DOCK8: variants seen among roughly 807,000 people sequenced by gnomAD.
DOCK8 encodes dedicator of cytokinesis protein 8.
DOCK8 carries 141 observed loss-of-function variants against 245.6 expected under a neutral mutation model. That is an observed-to-expected ratio of 0.57 (90% CI 0.50 to 0.66). The LOEUF (loss-of-function observed/expected upper bound fraction) is 0.66. Among genes scored for constraint, DOCK8 ranks in the 30% least tolerant of loss-of-function variants. The pLI, the probability that DOCK8 is intolerant of heterozygous loss-of-function variation, is 0.00. For missense variants in DOCK8, 2,965 were observed against 2,603.4 expected, an observed-to-expected ratio of 1.14 and a Z score of -3.02; for synonymous variants, 1,168 against 970.2, an observed-to-expected ratio of 1.20 and a Z score of -3.79.
chr9:335,541 G>C (rs1035460691), intron 11 of DOCK8, among the ~76,000 whole-genome samples: 2 of 152,120 alleles, frequency 1.3e-5, no homozygotes, highest in African/African-American at 4.8e-5. Flanking sequence ...TTTCTGGTTC[G>C]TCAATAACAA....
intron 25 of DOCK8, among the ~76,000 whole-genome samples, chr9:397,357 A>AAG (rs1241782260): frequency 6.7e-6 from 1 of 149,930 alleles, no homozygotes; most frequent in African/African-American, 2.5e-5. Context: ...TCTCAAAAAA[A>AAG]AAAAAAAAAA....
intron 4 of DOCK8, among the ~76,000 whole-genome samples, chr9:303,511 G>T (rs2049660219): frequency 6.6e-6 from 1 of 152,098 alleles, no homozygotes; most frequent in Non-Finnish European, 1.5e-5. Context: ...GCAGCTGGAG[G>T]CCATTATCCT....
chr9:363,411 T>C (rs1414151546), intron 14 of DOCK8, among the ~76,000 whole-genome samples: 1 of 152,254 alleles, frequency 6.6e-6, no homozygotes, highest in Non-Finnish European at 1.5e-5. Context: ...ATGAGCCTGT[T>C]TATCCGTTCG....
chr9:464,454 G>C lies in DOCK8; in HGVS notation c.*235G>C, dbSNP rs949975492. The C allele has an allele frequency of 1.7e-6, 1 of 594,654 alleles. No homozygotes were observed. 36.8% of individuals were successfully genotyped at this position (594,654 alleles called of 1,614,324 possible). Reference sequence around the variant, plus strand: ...GGAGGATGGGTACTCAGGCATGACTGCGTATTTATTAAAGTGTGTTTTTCC... The same window carrying C: ...GGAGGATGGGTACTCAGGCATGACTCCGTATTTATTAAAGTGTGTTTTTCC... On this transcript the variant is annotated 3_prime_UTR_variant, in exon 48 of 48. Coordinates refer to ENST00000432829, the MANE Select transcript of DOCK8 (RefSeq NM_203447.4).
At chr9:338,215 T>C (rs2051410057) in intron 12 of DOCK8, among the ~76,000 whole-genome samples, 2 of 150,778 alleles carry the variant, frequency 1.3e-5, no homozygotes, top group Admixed American at 1.3e-4. Flanking sequence ...TTGCCACACT[T>C]AAAATAAACT....
intron 9 of DOCK8, 141 bp downstream of exon 9, chr9:328,312 T>G: frequency 2.6e-6 from 3 of 1,163,416 alleles, no homozygotes; most frequent in Non-Finnish European, 3.7e-6. Flanking sequence ...AGTTTACCCC[T>G]TTTCCGTTCT....
chr9:338,122 C>T (rs1024752100), intron 12 of DOCK8, among the ~76,000 whole-genome samples: 1 of 151,702 alleles, frequency 6.6e-6, no homozygotes, highest in Non-Finnish European at 1.5e-5. Flanking sequence ...CCACTGCACT[C>T]CAGCCTGGGT....
chr9:369,976 A>AT (rs1214697469), intron 15 of DOCK8: 4 of 507,626 alleles, frequency 7.9e-6, no homozygotes, highest in Non-Finnish European at 1.1e-5. Context: ...TAATTTTTGT[A>AT]TTTTTTTGTA....
intron 4 of DOCK8, among the ~76,000 whole-genome samples, chr9:292,907 G>T (rs917972087): frequency 2.0e-5 from 3 of 152,114 alleles, no homozygotes; most frequent in Non-Finnish European, 2.9e-5. Context: ...TGTTGCTTCT[G>T]TTCCCTTATG....
intron 12 of DOCK8, among the ~76,000 whole-genome samples, chr9:338,216 A>C (rs550779778): frequency 1.7e-3 from 262 of 150,922 alleles, no homozygotes; most frequent in Non-Finnish European, 2.4e-3. Context: ...TGCCACACTT[A>C]AAATAAACTC....
At chr9:285,924 C>G (rs534871424) in intron 2 of DOCK8, among the ~76,000 whole-genome samples, 1 of 152,200 alleles carries the variant, frequency 6.6e-6, no homozygotes, top group African/African-American at 2.4e-5. Flanking sequence ...TTTCAGCCAC[C>G]GAAACACTCG....
At chr9:421,729 C>A (rs1431029087) in intron 32 of DOCK8, among the ~76,000 whole-genome samples, 2 of 152,136 alleles carry the variant, frequency 1.3e-5, no homozygotes, top group African/African-American at 4.8e-5. Flanking sequence ...TGGTCAGGCA[C>A]CCTCATTTGA....
In DOCK8 at chr9:420,990, G is replaced by A. The variant is rs965081733; in HGVS notation, c.4065G>A (p.Gln1355=). ...ACAAAGTCAGTACCCAAGTCCTGCA[G>A]AAGTCAAGGGATGTCAAGGCCCGGC... ...SSDKVSTQVL[Q]KSRDVKARLE... The change falls in exon 32 of 48, where the codon CAG becomes CAA. Residue 1355 remains glutamine, a synonymous_variant. Coordinates refer to ENST00000432829, the MANE Select transcript of DOCK8 (RefSeq NM_203447.4). 16 of 1,614,126 alleles carry A rather than the reference G, an allele frequency of 9.9e-6. No homozygotes were observed. Among genetic ancestry groups the A allele is most frequent in the Non-Finnish European group, 1.3e-5 (15 of 1,180,056 alleles).
At chr9:459,443 A>G (rs1039027692) in intron 46 of DOCK8, among the ~76,000 whole-genome samples, 36 of 152,348 alleles carry the variant, frequency 2.4e-4, no homozygotes, top group African/African-American at 8.4e-4. Flanking sequence ...AAAACATCAC[A>G]TTTATTAATT....
At chr9:319,693 A>G (rs980334225) in intron 7 of DOCK8, among the ~76,000 whole-genome samples, 2 of 152,170 alleles carry the variant, frequency 1.3e-5, no homozygotes, top group Non-Finnish European at 2.9e-5. Context: ...AGACATCTGT[A>G]ACTGTCTCTG....
Position 360,014 on chromosome 9 carries a change from G to C in DOCK8, c.1680-8004G>C, listed in dbSNP as rs528393765. Among the ~76,000 whole-genome samples, 4 of 152,056 alleles carry C rather than the reference G, an allele frequency of 2.6e-5. No homozygotes were observed. In the South Asian group the frequency reaches 8.3e-4, roughly 32 times the overall value. On this transcript the variant is annotated intron_variant, in intron 14 of 47. Transcript: ENST00000432829. ...CAAAACAACACTTGTGTTTCAAGCT[G>C]TTAAAAAATGAATAAAATAGGCCAA...
chr9:307,196 C>A (rs962294413), intron 5 of DOCK8, among the ~76,000 whole-genome samples: 2 of 152,044 alleles, frequency 1.3e-5, no homozygotes, highest in African/African-American at 4.8e-5. Flanking sequence ...ATTTGCTGAC[C>A]TAGCATCAAA....
chr9:232,620 C>G (rs1366926583), intron 1 of DOCK8, among the ~76,000 whole-genome samples: 1 of 152,090 alleles, frequency 6.6e-6, no homozygotes, highest in African/African-American at 2.4e-5. Context: ...CTGGTTTAGT[C>G]TTGGGAGGGT....
At chr9:266,964 T>G (rs1047627823) in intron 1 of DOCK8, among the ~76,000 whole-genome samples, 8 of 152,204 alleles carry the variant, frequency 5.3e-5, no homozygotes, top group African/African-American at 1.7e-4. Flanking sequence ...AGTACCTGCA[T>G]GGAAACGGAA....
Sources: gnomAD v4.1 joint callset for allele counts (sites outside exome capture counted in the v4.1 genomes callset) on GRCh38, gnomAD v4.1.1 for gene constraint, MANE v1.5 for transcripts, NCBI Gene and HGNC (gene_info 2026-07-23, HGNC 2026-07-21) for gene names.